Variants in OCSTAMP observed in about 807,000 individuals in gnomAD.
OCSTAMP encodes osteoclast stimulatory transmembrane protein.
Under a neutral mutation model 25.2 loss-of-function variants are expected in OCSTAMP, and 17 were observed. The ratio of observed to expected loss-of-function variants is 0.68; its 90% CI spans 0.46 to 1.01. The LOEUF (loss-of-function observed/expected upper bound fraction) is 1.01. Among genes scored for constraint, OCSTAMP ranks in the 50% least tolerant of loss-of-function variants. The pLI is 0.00. For synonymous variants in OCSTAMP, 345 were observed against 318.9 expected (o/e 1.08, Z -0.87); for missense variants, 664 against 694.6 (o/e 0.96, Z 0.50).
chr20:46,545,955 G>A lies in OCSTAMP; in HGVS notation c.419C>T (p.Ala140Val). The change falls in exon 2 of 3, where the codon GCC becomes GTC. Residue 140 changes from alanine (A) to valine (V), a missense_variant. Ala to Val is a moderately conservative substitution (Grantham distance 64, BLOSUM62 0). Transcript: ENST00000279028. ...LAIAVVPNVLANVGAAGQVLR... is the reference protein window; with the variant it reads ...LAIAVVPNVLVNVGAAGQVLR... ...CACCTGCCCGGCCGCACCCACGTTG[G>A]CCAGGACGTTGGGCACCACAGCAAT... 6.4e-7 allele frequency: 1 copy of A among 1,551,382 alleles called. No homozygotes were observed. Among genetic ancestry groups the A allele is most frequent in the Non-Finnish European group, 8.7e-7 (1 of 1,146,982 alleles).
chr20:46,541,759 C>T lies in OCSTAMP; in HGVS notation c.1216G>A (p.Gly406Arg). 1 of 1,535,780 alleles carries T rather than the reference C, an allele frequency of 6.5e-7. No homozygotes were observed. The highest frequency in any genetic ancestry group is 1.4e-5 in the African/African-American group (1 of 72,586). ...GAGCCCGCCAGGAGCTGCAGGGCCCCCGCGGCCAGCGGGGCAGCTGCGCGG... is the reference window on the plus strand; with the variant it reads ...GAGCCCGCCAGGAGCTGCAGGGCCCTCGCGGCCAGCGGGGCAGCTGCGCGG... ...RPRAAAPLAA[G>R]ALQLLAGSTV... The change falls in exon 3 of 3, where the codon GGG becomes AGG. Residue 406 changes from glycine (G) to arginine (R), a missense_variant. Coordinates refer to ENST00000279028, the MANE Select transcript of OCSTAMP (RefSeq NM_080721.3).
Position 46,548,977 on chromosome 20 carries a change from C to T in OCSTAMP, c.44+1540G>A, listed in dbSNP as rs949743257. On this transcript the variant is annotated intron_variant, in intron 1 of 2. Transcript: ENST00000279028. ...TTGGGGACCACCATGTAGTATGAGT[C>T]GGCCTGGGATGAAGGCAACACAAGG... Among the ~76,000 whole-genome samples, 4 of 152,246 alleles carry T rather than the reference C, an allele frequency of 2.6e-5. No individual in the cohort carries two copies. In the East Asian group the frequency reaches 5.8e-4, roughly 22 times the overall value.
At chr20:46,547,360 C>T (rs1205197912) in intron 1 of OCSTAMP, among the ~76,000 whole-genome samples, 1 of 152,150 alleles carries the variant, frequency 6.6e-6, no homozygotes, top group South Asian at 2.1e-4. Flanking sequence ...TGTCTCCCAA[C>T]TTTATATCCC....
chr20:46,543,305 C>CCTTT (rs3972347), intron 2 of OCSTAMP, among the ~76,000 whole-genome samples: 83,306 of 128,106 alleles, frequency 0.65, 28,676 homozygotes, highest in Non-Finnish European at 0.75. Flanking sequence ...CTTTCTCTTT[C>CCTTT]CTTTCTTTCT....
chr20:46,548,589 G>A (rs557460157), intron 1 of OCSTAMP, among the ~76,000 whole-genome samples: 1 of 152,312 alleles, frequency 6.6e-6, no homozygotes, highest in South Asian at 2.1e-4. Flanking sequence ...AATAACATAT[G>A]TGCTGGGCAA....
At chr20:46,543,176 G>C (rs758174190) in intron 2 of OCSTAMP, among the ~76,000 whole-genome samples, 1 of 146,822 alleles carries the variant, frequency 6.8e-6, no homozygotes, top group African/African-American at 2.5e-5. Context: ...TCCTTCCTTC[G>C]TCCCTCCCTC....
In OCSTAMP at chr20:46,541,993, A is replaced by G. The variant is rs113183124; in HGVS notation, c.1048-66T>C. ...TCTGGCCACTCCCCACCTCTAGGAGAGGCTTGTCCAGCTTTCCCTGCCTTC... is the reference window on the plus strand; with the variant it reads ...TCTGGCCACTCCCCACCTCTAGGAGGGGCTTGTCCAGCTTTCCCTGCCTTC... On this transcript the variant is annotated intron_variant, in intron 2 of 2. Transcript: ENST00000279028. 11 of 1,375,182 alleles carry G rather than the reference A, an allele frequency of 8.0e-6. No homozygotes were observed. The African/African-American group carries it at 1.2e-4, about 15-fold the overall frequency. The allele number at this position is 1,375,182 out of a possible 1,614,324, so 85.2% of individuals were successfully genotyped here. A position where few individuals can be genotyped will look rare whatever the true frequency, so the allele number is the denominator to read the frequency against.
At chr20:46,546,389 C>T (rs2061853215) in intron 1 of OCSTAMP, 60 bp from the exon 2 acceptor site, 2 of 1,407,606 alleles carry the variant, frequency 1.4e-6, no homozygotes, top group African/African-American at 2.9e-5. Context: ...GGTGTCTGTC[C>T]ACTGCCCCTG....
At chr20:46,546,830 A>G (rs1156432361) in intron 1 of OCSTAMP, among the ~76,000 whole-genome samples, 3 of 152,170 alleles carry the variant, frequency 2.0e-5, no homozygotes, top group East Asian at 1.9e-4. Flanking sequence ...AGGAGGGTGA[A>G]CTAGTTGGCC....
At chr20:46,544,564 C>T (rs1183694901) in intron 2 of OCSTAMP, among the ~76,000 whole-genome samples, 5 of 152,150 alleles carry the variant, frequency 3.3e-5, no homozygotes, top group Non-Finnish European at 2.9e-5. Context: ...ATAAAAAGAT[C>T]CGTGGCAAAA....
Position 46,550,562 on chromosome 20 carries a change from C to G in OCSTAMP, c.-2G>C. 4 of 1,551,706 alleles carry G rather than the reference C, an allele frequency of 2.6e-6. No homozygotes were observed. The highest frequency in any genetic ancestry group is 3.5e-6 in the Non-Finnish European group (4 of 1,146,956). On this transcript the variant is annotated 5_prime_UTR_variant, in exon 1 of 3. Coordinates refer to ENST00000279028, the MANE Select transcript of OCSTAMP (RefSeq NM_080721.3). The stretch of plus-strand genomic sequence containing the variant: ...AGCTGCTCCTGGGTGGCCTGGCATG[C>G]TGTCCAAATGGCAGTGGTTTCAGGC...
chr20:46,546,453 C>A, intron 1 of OCSTAMP, 124 bp from the exon 2 acceptor site: 3 of 786,252 alleles, frequency 3.8e-6, no homozygotes, highest in Non-Finnish European at 6.0e-6. Flanking sequence ...TGTAGTTACC[C>A]AGGTGGACCA....
intron 1 of OCSTAMP, among the ~76,000 whole-genome samples, chr20:46,548,891 C>T (rs180927163): frequency 1.6e-4 from 25 of 152,202 alleles, no homozygotes; most frequent in Non-Finnish European, 2.4e-4. Flanking sequence ...TTTGCTGCAA[C>T]GACAAAAAAA....
intron 1 of OCSTAMP, among the ~76,000 whole-genome samples, chr20:46,547,035 T>C (rs1354091212): frequency 6.6e-6 from 1 of 152,172 alleles, no homozygotes; most frequent in Non-Finnish European, 1.5e-5. Context: ...ACACATTTTG[T>C]TGGCAGAGTC....
chr20:46,542,261 C>T (rs960047237), intron 2 of OCSTAMP, among the ~76,000 whole-genome samples: 16 of 152,122 alleles, frequency 1.1e-4, no homozygotes, highest in Non-Finnish European at 1.8e-4. Context: ...TTCTATGGGT[C>T]GAGCCCAGGA....
rs1306932339 is a variant in OCSTAMP, at chr20:46,541,544, C to T, written c.1431G>A (p.Lys477=). ...SCVPTPRPAC[K]PPAWIDYRLD... ...GCCTGTAGTCTATCCATGCCGGAGG[C>T]TTGCAGGCAGGTCTGGGTGTGGGGA... The change falls in exon 3 of 3, where the codon AAG becomes AAA. Residue 477 remains lysine, a synonymous_variant. Coordinates refer to ENST00000279028, the MANE Select transcript of OCSTAMP (RefSeq NM_080721.3). 2.6e-6 allele frequency: 4 copies of T among 1,551,644 alleles called. No individual in the cohort carries two copies. The highest frequency in any genetic ancestry group is 3.5e-6 in the Non-Finnish European group (4 of 1,147,012).
Position 46,546,265 on chromosome 20 carries a change from AG to A in OCSTAMP, c.108del (p.Phe37SerfsTer13). On this transcript the variant is annotated frameshift_variant, in exon 2 of 3. Transcript: ENST00000279028. LOFTEE classifies it high-confidence loss of function. Reference sequence around the variant, plus strand: ...CAGCTGGCTGGAACAGGCTGGGAGAAGGCGTCCCAGGCAGCCTGCAGTGGGG... The same window carrying A: ...CAGCTGGCTGGAACAGGCTGGGAGAAGCGTCCCAGGCAGCCTGCAGTGGGG... ...ALAPLQAAWD[A>X]FSQPVPASCG... 1 of 1,550,666 alleles carries A rather than the reference AG, an allele frequency of 6.4e-7. No homozygotes were observed.
chr20:46,543,286 T>TC (rs58599900), intron 2 of OCSTAMP, among the ~76,000 whole-genome samples: 1 of 116,402 alleles, frequency 8.6e-6, no homozygotes, highest in African/African-American at 3.6e-5. Flanking sequence ...TCTTTCTCTT[T>TC]CTTTCTCTCT....
chr20:46,544,569 G>A lies in OCSTAMP; in HGVS notation c.1047+758C>T, dbSNP rs1030558281. Among the ~76,000 whole-genome samples the A allele has an allele frequency of 3.3e-5, 5 of 152,276 alleles. No homozygotes were observed. In the East Asian group the frequency reaches 9.6e-4, roughly 29 times the overall value. On this transcript the variant is annotated intron_variant, in intron 2 of 2. Transcript: ENST00000279028. ...AAAATTAAAAATAAAAAGATCCGTG[G>A]CAAAAGAAAGGATCGAAAAACACAA...
Sources: gnomAD v4.1 joint callset for allele counts (sites outside exome capture counted in the v4.1 genomes callset) on GRCh38, gnomAD v4.1.1 for gene constraint, MANE v1.5 for transcripts, NCBI Gene and HGNC (gene_info 2026-07-23, HGNC 2026-07-21) for gene names.